The following NCOR2 variants were observed in gnomAD, a reference collection of about 807,000 sequenced individuals.
NCOR2 encodes nuclear receptor corepressor 2, also known as CTG repeat protein 26.
In NCOR2, 81 loss-of-function variants were observed where a neutral mutation model predicts 262.9. The observed-to-expected ratio is 0.31, with a 90% CI of 0.26 to 0.37. The LOEUF (loss-of-function observed/expected upper bound fraction) is 0.37. Among genes scored for constraint, NCOR2 ranks in the 10% least tolerant of loss-of-function variants. The probability of loss-of-function intolerance (pLI) is 1.00; values close to 1 mark genes in which losing one functional copy is unlikely to be tolerated. For missense variants in NCOR2, 3,385 were observed against 3,621.4 expected (o/e 0.93, Z 1.68); for synonymous variants, 1,659 against 1,559.3 (o/e 1.06, Z -1.51).
intron 41 of NCOR2, 72 bp downstream of exon 43, chr12:124,334,352 G>A (rs1443838241): frequency 1.7e-6 from 2 of 1,184,436 alleles, no homozygotes; most frequent in East Asian, 2.9e-5. Flanking sequence ...CTCAGACCCA[G>A]CTCTGAGGCA....
chr12:124,520,388 C>T (rs2050116151), intron 1 of NCOR2, among the ~76,000 whole-genome samples: 1 of 152,152 alleles, frequency 6.6e-6, no homozygotes. Flanking sequence ...TGCCTGAGAG[C>T]GGCCGAGTCA....
At chr12:124,475,376 A>C (rs2047053558) in intron 3 of NCOR2, among the ~76,000 whole-genome samples, 1 of 152,210 alleles carries the variant, frequency 6.6e-6, no homozygotes, top group Non-Finnish European at 1.5e-5. Context: ...GGATCCCACA[A>C]CAGCCCTCCG....
intron 33 of NCOR2, 118 bp from the exon 36 acceptor site, chr12:124,342,192 T>C: frequency 3.2e-6 from 4 of 1,253,528 alleles, no homozygotes; most frequent in Non-Finnish European, 4.3e-6. Flanking sequence ...CCTACATGTG[T>C]GGCTGCCCAA....
chr12:124,341,832 C>T lies in NCOR2; in HGVS notation c.5179G>A (p.Gly1727Ser), dbSNP rs1314294064. 3 of 1,601,412 alleles carry T rather than the reference C, an allele frequency of 1.9e-6. No homozygotes were observed. The Admixed American group carries it at 5.0e-5, about 27-fold the overall frequency. Reference sequence around the variant, plus strand: ...CTGCCCACCCACTCACCTCGGGGACCCGCAGCGTAGTTGAGTGCCAGCGAG... The same window carrying T: ...CTGCCCACCCACTCACCTCGGGGACTCGCAGCGTAGTTGAGTGCCAGCGAG... The change falls in exon 34 of 47, where the codon GGT (glycine) becomes AGT (serine). Residue 1727 changes from glycine to serine, a missense_variant. By Grantham distance (56) the Gly-to-Ser change is moderately conservative. This residue lies in a region of NCOR2 where 1,615 missense variants were observed against 1,626.9 expected (regional missense o/e 0.99). Coordinates refer to ENST00000405201, the Ensembl canonical transcript of NCOR2.
chr12:124,515,620 G>T (rs2037616085), intron 1 of NCOR2, among the ~76,000 whole-genome samples: 1 of 150,086 alleles, frequency 6.7e-6, no homozygotes, highest in South Asian at 2.2e-4. Flanking sequence ...TGTGAGTATG[G>T]GTGTGTGTGC....
chr12:124,372,758 GAGCCCCACCCCTGAGACAA>G, intron 19 of NCOR2, 148 bp from the exon 22 acceptor site: 6 of 686,504 alleles, frequency 8.7e-6, no homozygotes, highest in Non-Finnish European at 1.4e-5. Context: ...CTGCTGCCTA[GAGCCCCACCCCTGAGACAA>G]AGCCCCTGAC....
intron 6 of NCOR2, among the ~76,000 whole-genome samples, chr12:124,455,230 C>A (rs376717626): frequency 1.3e-5 from 2 of 152,184 alleles, no homozygotes; most frequent in Non-Finnish European, 2.9e-5. Flanking sequence ...GAATGGCATG[C>A]GTGTGAATTG....
chr12:124,362,127 C>T lies in NCOR2; in HGVS notation c.3099G>A (p.Glu1033=), dbSNP rs1031990107. ...ACTCAGCCACTGGTGTGCACTCACCCTCCTTGTCGGCGGGGGGTGCCGGGC... is the reference window on the plus strand; with the variant it reads ...ACTCAGCCACTGGTGTGCACTCACCTTCCTTGTCGGCGGGGGGTGCCGGGC... The change falls in exon 22 of 47, where the codon GAG becomes GAA. Residue 1033 remains glutamate, a splice_region_variant and synonymous_variant. Coordinates refer to ENST00000405201, the Ensembl canonical transcript of NCOR2. 6 of 1,300,046 alleles carry T rather than the reference C, an allele frequency of 4.6e-6. No individual in the cohort carries two copies. In the African/African-American group the frequency reaches 7.5e-5, roughly 16 times the overall value. 80.5% of individuals were successfully genotyped at this position (1,300,046 alleles called of 1,614,324 possible). A position where few individuals can be genotyped will look rare whatever the true frequency, so the allele number is the denominator to read the frequency against.
chr12:124,567,604 G>T, upstream of NCOR2: 1 of 119,466 alleles, frequency 8.4e-6, no homozygotes, highest in South Asian at 2.8e-4. Flanking sequence ...CGGCCGCGGC[G>T]GCGGTGGCGG....
intron 1 of NCOR2, among the ~76,000 whole-genome samples, chr12:124,490,691 C>T (rs1000205609): frequency 5.9e-5 from 9 of 152,224 alleles, no homozygotes; most frequent in Non-Finnish European, 8.8e-5. Flanking sequence ...GTGATCCCCA[C>T]GCGCCCACCT....
intron 1 of NCOR2, among the ~76,000 whole-genome samples, chr12:124,519,089 TACACAC>T (rs57438929): frequency 0.013 from 1,217 of 97,290 alleles, 16 homozygotes; most frequent in African/African-American, 0.04. Flanking sequence ...GGCCAAATAA[TACACAC>T]ACACACACAC....
At chr12:124,557,373 C>G (rs1323635486) in intron 1 of NCOR2, among the ~76,000 whole-genome samples, 1 of 152,202 alleles carries the variant, frequency 6.6e-6, no homozygotes, top group Non-Finnish European at 1.5e-5. Flanking sequence ...GGGAGTCTGT[C>G]CTGAGCCTTC....
chr12:124,372,083 C>T (rs1403046559), exon 20 of NCOR2: 6 of 1,603,888 alleles, frequency 3.7e-6, no homozygotes, highest in Non-Finnish European at 5.1e-6. Flanking sequence ...GCACTGGAGT[C>T]GCTGTCCTGG....
At chr12:124,382,174 G>A (rs2040458172) in intron 17 of NCOR2, among the ~76,000 whole-genome samples, 1 of 152,212 alleles carries the variant, frequency 6.6e-6, no homozygotes, top group Non-Finnish European at 1.5e-5. Context: ...CACAGGGGAG[G>A]GGCAGGAGGT....
chr12:124,562,634 G>A (rs2052109042), intron 1 of NCOR2, among the ~76,000 whole-genome samples: 1 of 152,204 alleles, frequency 6.6e-6, no homozygotes, highest in South Asian at 2.1e-4. Flanking sequence ...ACCGTCAAGG[G>A]CAGAGGCAGG....
intron 1 of NCOR2, among the ~76,000 whole-genome samples, chr12:124,524,447 T>C (rs2050350339): frequency 6.6e-6 from 1 of 152,178 alleles, no homozygotes; most frequent in Non-Finnish European, 1.5e-5. Context: ...GGAGTGTCCC[T>C]CCTGGGATGC....
chr12:124,334,762 T>C (rs2035727397), intron 40 of NCOR2, 145 bp from the exon 43 acceptor site: 2 of 574,070 alleles, frequency 3.5e-6, no homozygotes, highest in African/African-American at 3.8e-5. Flanking sequence ...CGCCACCCTC[T>C]GGGCCTCCGT....
intron 6 of NCOR2, among the ~76,000 whole-genome samples, chr12:124,453,307 C>T (rs945147623): frequency 3.9e-5 from 6 of 152,150 alleles, no homozygotes; most frequent in Admixed American, 1.3e-4. Context: ...CTTATCCTCC[C>T]GGGAGAAATG....
rs1173348198 is a variant in NCOR2, at chr12:124,378,952, T to C, written c.2020-568A>G. Among the ~76,000 whole-genome samples the C allele has an allele frequency of 7.0e-5, 2 of 28,414 alleles. No individual in the cohort carries two copies. Among genetic ancestry groups the C allele is most frequent in the African/African-American group, 1.7e-4 (2 of 11,848 alleles). The allele number at this position is 28,414 out of a possible 152,430, so 18.6% of individuals were successfully genotyped here. A position where few individuals can be genotyped will look rare whatever the true frequency, so the allele number is the denominator to read the frequency against. ...GAGGCTGCCCTGCCGCTGGGGAGAC[T>C]GGCAACGTGCTCCTCACACAGAAGC... On this transcript the variant is annotated intron_variant, in intron 17 of 46. Coordinates refer to ENST00000405201, the Ensembl canonical transcript of NCOR2. This position sits in a 1 kb window ranked among gnomAD's most constrained non-coding sequence, Gnocchi z 4.2.
Sources: allele counts gnomAD v4.1 joint callset (sites outside exome capture counted in the v4.1 genomes callset), GRCh38; gene constraint gnomAD v4.1.1; regional missense constraint gnomAD v4.1.1; non-coding constraint Gnocchi (gnomAD v3.1); transcripts MANE v1.5; gene names NCBI Gene and HGNC (gene_info 2026-07-23, HGNC 2026-07-21).